Variants in CNTNAP2 observed in about 807,000 individuals in gnomAD.
CNTNAP2 encodes contactin associated protein 2.
In CNTNAP2, 98 loss-of-function variants were observed where a neutral mutation model predicts 155.2. The observed-to-expected ratio is 0.63, with a 90% CI of 0.54 to 0.75. The LOEUF is 0.75. Ranked by LOEUF, CNTNAP2 falls within the 30% of genes least tolerant of loss-of-function variation. The pLI, the probability that CNTNAP2 is intolerant of heterozygous loss-of-function variation, is 0.00. For missense variants in CNTNAP2, 1,727 were observed against 1,688.1 expected, an observed-to-expected ratio of 1.02 and a Z score of -0.40; for synonymous variants, 651 against 631.2, an observed-to-expected ratio of 1.03 and a Z score of -0.47.
chr7:148,399,874 A>AAC (rs35028464), intron 22 of CNTNAP2, among the ~76,000 whole-genome samples: 8 of 151,816 alleles, frequency 5.3e-5, no homozygotes, highest in African/African-American at 7.3e-5. Flanking sequence ...TTTAAATTAA[A>AAC]ACACACACAC....
At chr7:146,975,805 A>T (rs143704839) in intron 3 of CNTNAP2, among the ~76,000 whole-genome samples, 2 of 152,312 alleles carry the variant, frequency 1.3e-5, no homozygotes, top group East Asian at 3.9e-4. Context: ...TTTAGAGAGC[A>T]TGTGAATTAA....
intron 9 of CNTNAP2, among the ~76,000 whole-genome samples, chr7:147,306,151 G>A (rs2116783173): frequency 6.6e-6 from 1 of 152,152 alleles, no homozygotes; most frequent in Admixed American, 6.5e-5. Flanking sequence ...TCTTTTTGGA[G>A]GATACAATTT....
chr7:147,643,487 C>A (rs1427358131), intron 13 of CNTNAP2: 5 of 152,150 alleles, frequency 3.3e-5, no homozygotes, highest in Admixed American at 6.5e-5. Context: ...CAAGAAAGAA[C>A]ACAATTTAAT....
At chr7:146,489,300 T>C (rs1041818238) in intron 1 of CNTNAP2, among the ~76,000 whole-genome samples, 6 of 152,206 alleles carry the variant, frequency 3.9e-5, no homozygotes, top group Non-Finnish European at 8.8e-5. Flanking sequence ...TAAAAGATTA[T>C]ATTGAAAATG....
chr7:148,028,976 C>G (rs1802420091), intron 15 of CNTNAP2, among the ~76,000 whole-genome samples: 1 of 152,114 alleles, frequency 6.6e-6, no homozygotes. Context: ...TTTCATATGT[C>G]TCCAAATAAA....
At chr7:147,379,070 G>C (rs1490508946) in intron 9 of CNTNAP2, among the ~76,000 whole-genome samples, 1 of 151,964 alleles carries the variant, frequency 6.6e-6, no homozygotes, top group Non-Finnish European at 1.5e-5. Context: ...TGTACTTCTT[G>C]CTGCCTCCAT....
intron 8 of CNTNAP2, among the ~76,000 whole-genome samples, chr7:147,252,315 A>G (rs369723539): frequency 2.0e-5 from 3 of 152,190 alleles, no homozygotes; most frequent in African/African-American, 7.2e-5. Context: ...AAGTATCATG[A>G]GAGTTTATCA....
At chr7:147,775,294 T>A (rs1382917530) in intron 13 of CNTNAP2, among the ~76,000 whole-genome samples, 6 of 51,088 alleles carry the variant, frequency 1.2e-4, no homozygotes, top group South Asian at 5.2e-4. Context: ...AATATATATA[T>A]TTATATATAT....
At chr7:146,317,311 T>G (rs993930464) in intron 1 of CNTNAP2, among the ~76,000 whole-genome samples, 1 of 152,200 alleles carries the variant, frequency 6.6e-6, no homozygotes, top group Non-Finnish European at 1.5e-5. Flanking sequence ...ACAGGCTAAA[T>G]CCAGTATACT....
chr7:147,950,520 C>T lies in CNTNAP2; in HGVS notation c.2256-27342C>T, dbSNP rs116854989. 3.0e-3 allele frequency among the ~76,000 whole-genome samples: 452 copies of T among 152,044 alleles called. 1 individual carries two copies. The highest frequency in any genetic ancestry group is 6.8e-3 in the Middle Eastern group (2 of 292). ...TTTAATGTGCTCTACTGTTATAATA[C>T]CCTTGGGCAAAGTCAGTTTCCAATA... is the stretch of plus-strand genomic sequence containing the variant. On this transcript the variant is annotated intron_variant, in intron 14 of 23. Coordinates refer to ENST00000361727, the MANE Select transcript of CNTNAP2 (RefSeq NM_014141.6).
intron 3 of CNTNAP2, among the ~76,000 whole-genome samples, chr7:146,867,107 T>C (rs4452720): frequency 6.6e-6 from 1 of 152,070 alleles, no homozygotes; most frequent in South Asian, 2.1e-4. Context: ...AAATATTTGA[T>C]TTCATCACCC....
chr7:147,839,233 A>G (rs1259396986), intron 13 of CNTNAP2, among the ~76,000 whole-genome samples: 1 of 152,106 alleles, frequency 6.6e-6, no homozygotes, highest in Non-Finnish European at 1.5e-5. Flanking sequence ...CAGTCCATTG[A>G]CTCAAATGTT....
rs76068989 is a variant in CNTNAP2 at position 147,050,798 on chromosome 7, C to G, written c.550+6744C>G. Among the ~76,000 whole-genome samples, 436 of 152,174 alleles carry G rather than the reference C, an allele frequency of 2.9e-3. 2 individuals carry two copies. Among genetic ancestry groups the G allele is most frequent in the African/African-American group, 0.01 (417 of 41,518 alleles). ...GGTATTCTATCATGGATCTAGAGGG[C>G]ACAGTCTGAAGTCAAGGTGTTAGCA... On this transcript the variant is annotated intron_variant, in intron 4 of 23. Transcript: ENST00000361727.
intron 12 of CNTNAP2, among the ~76,000 whole-genome samples, chr7:147,565,731 C>A (rs1800157923): frequency 6.6e-6 from 1 of 151,984 alleles, no homozygotes; most frequent in Admixed American, 6.6e-5. Flanking sequence ...AACTTTAGTG[C>A]CATTTAGGAG....
At chr7:146,523,159 C>A (rs1797639009) in intron 1 of CNTNAP2, among the ~76,000 whole-genome samples, 2 of 151,936 alleles carry the variant, frequency 1.3e-5, no homozygotes, top group Admixed American at 6.6e-5. Flanking sequence ...CACGCTTTCC[C>A]CCAAGTCCCC....
chr7:147,659,473 A>G (rs1795580278), intron 13 of CNTNAP2, among the ~76,000 whole-genome samples: 1 of 152,224 alleles, frequency 6.6e-6, no homozygotes, highest in Admixed American at 6.5e-5. Flanking sequence ...AATAAATACT[A>G]CCAACATAGA....
At chr7:146,404,220 C>T (rs1173877162) in intron 1 of CNTNAP2, among the ~76,000 whole-genome samples, 1 of 151,290 alleles carries the variant, frequency 6.6e-6, no homozygotes, top group Non-Finnish European at 1.5e-5. Context: ...AGAACTCTTT[C>T]TTTCTCACTC....
intron 3 of CNTNAP2, among the ~76,000 whole-genome samples, chr7:146,957,826 G>A (rs1797466990): frequency 6.6e-6 from 1 of 151,840 alleles, no homozygotes; most frequent in Admixed American, 6.6e-5. Context: ...AAAGAATAAT[G>A]GATTTATATG....
At chr7:148,146,791 A>G (rs942361629) in intron 16 of CNTNAP2, among the ~76,000 whole-genome samples, 2 of 152,170 alleles carry the variant, frequency 1.3e-5, no homozygotes, top group Non-Finnish European at 1.5e-5. Context: ...CATTACACCA[A>G]CAATAGGTCA....
Sources: allele counts gnomAD v4.1 joint callset (sites outside exome capture counted in the v4.1 genomes callset), GRCh38; gene constraint gnomAD v4.1.1; transcripts MANE v1.5; gene names NCBI Gene and HGNC (gene_info 2026-07-23, HGNC 2026-07-21).